EVC2: variants seen among roughly 807,000 people sequenced by gnomAD.
EVC2 encodes limbin.
EVC2 carries 148 observed loss-of-function variants against 149.3 expected under a neutral mutation model. The ratio of observed to expected loss-of-function variants is 0.99; its 90% CI spans 0.87 to 1.14. The LOEUF (loss-of-function observed/expected upper bound fraction) is 1.14, where lower values mean the gene tolerates loss of function less well. EVC2 is among the 50% of genes most tolerant of loss of function. The probability of loss-of-function intolerance (pLI) is 0.00; values close to 1 mark genes in which losing one functional copy is unlikely to be tolerated. For synonymous variants in EVC2, 776 were observed against 649.9 expected (o/e 1.19, Z -2.95); for missense variants, 1,854 against 1,627.3 (o/e 1.14, Z -2.40).
intron 16 of EVC2, among the ~76,000 whole-genome samples, chr4:5,612,249 C>A (rs933246561): frequency 6.6e-6 from 1 of 152,176 alleles, no homozygotes; most frequent in Non-Finnish European, 1.5e-5. Context: ...AGCGTGCTGA[C>A]CCCATTTCTC....
At chr4:5,582,841 G>A (rs1027012596) in intron 17 of EVC2, among the ~76,000 whole-genome samples, 5 of 152,104 alleles carry the variant, frequency 3.3e-5, no homozygotes, top group Non-Finnish European at 7.3e-5. Flanking sequence ...ATGAGATCTG[G>A]TTGTTTAAAA....
intron 17 of EVC2, among the ~76,000 whole-genome samples, chr4:5,578,437 C>A (rs1035184042): frequency 6.6e-6 from 1 of 152,130 alleles, no homozygotes; most frequent in Non-Finnish European, 1.5e-5. Flanking sequence ...AATTTTTCAT[C>A]ATCTAATTTT....
At chr4:5,559,650 G>A (rs541160367), downstream of EVC2, among the ~76,000 whole-genome samples, 12 of 152,274 alleles carry the variant, frequency 7.9e-5, no homozygotes, top group East Asian at 1.2e-3. This position sits in a 1 kb window ranked among gnomAD's most constrained non-coding sequence, Gnocchi z 5.0. Context: ...TGCACTGACG[G>A]GGTTATGTTA....
chr4:5,679,304 C>T lies in EVC2; in HGVS notation c.870+1956G>A, dbSNP rs1404563515. Among the ~76,000 whole-genome samples the T allele has an allele frequency of 2.0e-5, 3 of 152,052 alleles. No homozygotes were observed. The highest frequency in any genetic ancestry group is 2.9e-5 in the Non-Finnish European group (2 of 68,024). ...AGGCTGGAGTGCAGTGGCATGATCT[C>T]GGCTCACTGCAACCTCCGCCTCCCA... On this transcript the variant is annotated intron_variant, in intron 7 of 21. Transcript: ENST00000344408. The surrounding 1 kb of genome is among the most constrained non-coding windows in gnomAD (Gnocchi z 5.1).
chr4:5,590,283 T>G (rs1712667411), intron 16 of EVC2, among the ~76,000 whole-genome samples: 1 of 152,088 alleles, frequency 6.6e-6, no homozygotes, highest in Non-Finnish European at 1.5e-5. Flanking sequence ...AGGAAAAAGT[T>G]GAGTGATGGG....
At chr4:5,631,620 C>G (rs1716541215) in intron 11 of EVC2, among the ~76,000 whole-genome samples, 173 bp downstream of exon 11, 1 of 152,038 alleles carries the variant, frequency 6.6e-6, no homozygotes, top group Non-Finnish European at 1.5e-5. Context: ...AAGGCCTGTA[C>G]TCCAAGCCAC....
intron 1 of EVC2, among the ~76,000 whole-genome samples, chr4:5,704,112 C>T (rs1721993836): frequency 6.6e-6 from 1 of 152,054 alleles, no homozygotes; most frequent in Admixed American, 6.6e-5. Flanking sequence ...GGCATAATAG[C>T]CATTTTAAAT....
chr4:5,663,920 C>CA (rs1271016808), intron 8 of EVC2, among the ~76,000 whole-genome samples: 2 of 151,466 alleles, frequency 1.3e-5, no homozygotes, highest in East Asian at 3.9e-4. Context: ...GACTCTGTCT[C>CA]AAAAAAATAA....
rs568544409 is a variant in EVC2, at chr4:5,543,493, G to A, written c.3420-281C>T. On this transcript the variant is annotated intron_variant and NMD_transcript_variant, in intron 21 of 22. Coordinates refer to the EVC2 transcript ENST00000475313. The stretch of plus-strand genomic sequence containing the variant: ...CACACCTAGGAGTTGGTGGGGAGAG[G>A]TTCTTAGTATACAGAGTATACCACA... 1.2e-4 allele frequency among the ~76,000 whole-genome samples: 19 copies of A among 152,310 alleles called. 1 individual carries two copies. Among genetic ancestry groups the A allele is most frequent in the Middle Eastern group, 3.4e-3 (1 of 294 alleles).
intron 10 of EVC2, among the ~76,000 whole-genome samples, chr4:5,638,111 A>C (rs1164696889): frequency 2.0e-5 from 3 of 152,072 alleles, no homozygotes; most frequent in Non-Finnish European, 4.4e-5. Context: ...AAAATTGGCC[A>C]TGCGTGGTGG....
At chr4:5,558,242 C>A (rs889074357), downstream of EVC2, among the ~76,000 whole-genome samples, 1 of 152,090 alleles carries the variant, frequency 6.6e-6, no homozygotes, top group African/African-American at 2.4e-5. Flanking sequence ...ACAGAGAGCC[C>A]AGAAATAGAC....
rs1338803303 is a variant in EVC2, at chr4:5,567,881, G to C, written c.3557+563C>G. ...AAATGAATAACACTAGCAGGAAATAGAATCTAAGTAATGGGATAAGAATTA... is the reference window on the plus strand; with the variant it reads ...AAATGAATAACACTAGCAGGAAATACAATCTAAGTAATGGGATAAGAATTA... On this transcript the variant is annotated intron_variant, in intron 20 of 21. Coordinates refer to ENST00000344408, the MANE Select transcript of EVC2 (RefSeq NM_147127.5). The surrounding 1 kb of genome is among the most constrained non-coding windows in gnomAD (Gnocchi z 4.4). Among the ~76,000 whole-genome samples, 1 of 152,194 alleles carries C rather than the reference G, an allele frequency of 6.6e-6. No individual in the cohort carries two copies. Among genetic ancestry groups the C allele is most frequent in the Non-Finnish European group, 1.5e-5 (1 of 68,044 alleles).
At chr4:5,533,826 A>G in the EVC2 span, among the ~76,000 whole-genome samples, 62,993 of 151,934 alleles carry the variant, frequency 0.41, 15,176 homozygotes, top group East Asian at 0.92. Flanking sequence ...GCTGAAACCC[A>G]AATGGCAGAA....
At chr4:5,695,120 C>T (rs1265711915) in intron 2 of EVC2, among the ~76,000 whole-genome samples, 2 of 152,000 alleles carry the variant, frequency 1.3e-5, no homozygotes, top group African/African-American at 4.8e-5. Flanking sequence ...GAGGCTGAGG[C>T]GGGCAGATCA....
At chr4:5,565,723 C>G (rs1166043681) in intron 20 of EVC2, among the ~76,000 whole-genome samples, 1 of 151,880 alleles carries the variant, frequency 6.6e-6, no homozygotes, top group Non-Finnish European at 1.5e-5. Flanking sequence ...TAATCCTACC[C>G]ATCTCTCAAT....
chr4:5,698,266 T>C (rs931384192), intron 1 of EVC2, among the ~76,000 whole-genome samples: 2 of 152,088 alleles, frequency 1.3e-5, no homozygotes, highest in Admixed American at 6.6e-5. Flanking sequence ...CTGCCCTCCA[T>C]CAACTCTGTG....
At chr4:5,616,209 T>C (rs542189626) in intron 15 of EVC2, among the ~76,000 whole-genome samples, 9 of 152,274 alleles carry the variant, frequency 5.9e-5, no homozygotes, top group South Asian at 2.1e-4. Flanking sequence ...CCCTCTCCCC[T>C]GAGAACTTTC....
chr4:5,638,734 A>G (rs1039063056), intron 10 of EVC2, among the ~76,000 whole-genome samples: 1 of 152,184 alleles, frequency 6.6e-6, no homozygotes, highest in African/African-American at 2.4e-5. Flanking sequence ...CCTAAATTCA[A>G]TGACAAATGT....
At chr4:5,634,860 G>A (rs1016745637) in intron 10 of EVC2, among the ~76,000 whole-genome samples, 2 of 152,146 alleles carry the variant, frequency 1.3e-5, no homozygotes, top group South Asian at 2.1e-4. Context: ...CTGGGGAATG[G>A]GGCAAAGTGC....
Sources: gnomAD v4.1 joint callset for allele counts (sites outside exome capture counted in the v4.1 genomes callset) on GRCh38, gnomAD v4.1.1 for gene constraint, Gnocchi (gnomAD v3.1) non-coding constraint, MANE v1.5 for transcripts, NCBI Gene and HGNC (gene_info 2026-07-23, HGNC 2026-07-21) for gene names.